The following HIVEP3 variants were observed in gnomAD, a reference collection of about 807,000 sequenced individuals.
The protein encoded by HIVEP3 is transcription factor HIVEP3.
HIVEP3 carries 49 observed loss-of-function variants against 152.8 expected under a neutral mutation model. The ratio of observed to expected loss-of-function variants is 0.32; its 90% confidence interval spans 0.26 to 0.41. HIVEP3 has a LOEUF of 0.41. Ranked by LOEUF, HIVEP3 falls within the 10% of genes least tolerant of loss-of-function variation. HIVEP3 has a pLI of 1.00. For missense variants in HIVEP3, 2,790 were observed against 3,103.3 expected (o/e 0.90, Z 2.40); for synonymous variants, 1,269 against 1,289.0 (o/e 0.98, Z 0.33).
At chr1:41,731,429 T>C (rs1448784844) in intron 1 of HIVEP3, among the ~76,000 whole-genome samples, 1 of 152,174 alleles carries the variant, frequency 6.6e-6, no homozygotes, top group Non-Finnish European at 1.5e-5. Context: ...CAGCAGGTGC[T>C]GGGGGTAGTC....
intron 1 of HIVEP3, among the ~76,000 whole-genome samples, chr1:41,716,161 C>A (rs1646590226): frequency 6.6e-6 from 1 of 152,170 alleles, no homozygotes; most frequent in African/African-American, 2.4e-5. Flanking sequence ...CCAGAACCTA[C>A]CAGCAAGGTG....
intron 1 of HIVEP3, among the ~76,000 whole-genome samples, chr1:41,978,485 C>T (rs951126590): frequency 1.1e-4 from 17 of 152,288 alleles, no homozygotes; most frequent in Middle Eastern, 3.4e-3. Context: ...ACACAGGAGG[C>T]GGCTGTCTGC....
At chr1:41,824,469 CGTT>C (rs1161542397) in intron 1 of HIVEP3, among the ~76,000 whole-genome samples, 3 of 152,010 alleles carry the variant, frequency 2.0e-5, no homozygotes. Context: ...ACACAGCTAA[CGTT>C]GTAAGTGGTC....
chr1:42,023,646 C>T (rs1360576982), intron 1 of HIVEP3, among the ~76,000 whole-genome samples: 9 of 151,990 alleles, frequency 5.9e-5, no homozygotes, highest in Admixed American at 2.0e-4. Flanking sequence ...TGTAGCACCT[C>T]CCGCCATTCT....
At chr1:41,796,505 T>C (rs1649990815) in intron 1 of HIVEP3, among the ~76,000 whole-genome samples, 2 of 152,236 alleles carry the variant, frequency 1.3e-5, no homozygotes, top group African/African-American at 2.4e-5. Flanking sequence ...AGATGCTGCA[T>C]AGATCTGGTA....
At chr1:41,885,883 A>G (rs1644338948) in intron 1 of HIVEP3, among the ~76,000 whole-genome samples, 1 of 151,410 alleles carries the variant, frequency 6.6e-6, no homozygotes. Context: ...CACACTGAAT[A>G]CCCATGATAA....
At chr1:42,017,464 C>T (rs1164460599) in intron 1 of HIVEP3, among the ~76,000 whole-genome samples, 1 of 152,130 alleles carries the variant, frequency 6.6e-6, no homozygotes, top group Non-Finnish European at 1.5e-5. Flanking sequence ...TTAATTCCCG[C>T]TTCTAGTCAT....
At chr1:41,803,026 A>T (rs1223570313) in intron 1 of HIVEP3, among the ~76,000 whole-genome samples, 1 of 152,198 alleles carries the variant, frequency 6.6e-6, no homozygotes, top group Admixed American at 6.5e-5. Flanking sequence ...CCTCTTTGGC[A>T]TTTGTACAGA....
chr1:41,668,324 G>C (rs571025363), intron 2 of HIVEP3, among the ~76,000 whole-genome samples: 6 of 152,362 alleles, frequency 3.9e-5, no homozygotes, highest in African/African-American at 1.4e-4. Flanking sequence ...GGGCGAGAGA[G>C]ATGAATACGG....
At chr1:41,910,640 A>G (rs747674074) in intron 1 of HIVEP3, among the ~76,000 whole-genome samples, 2 of 152,052 alleles carry the variant, frequency 1.3e-5, no homozygotes, top group Non-Finnish European at 2.9e-5. Flanking sequence ...ATGTATAAGA[A>G]ATGAACCCAT....
chr1:41,678,358 C>G (rs1645988914), intron 2 of HIVEP3, among the ~76,000 whole-genome samples: 1 of 152,212 alleles, frequency 6.6e-6, no homozygotes, highest in Admixed American at 6.5e-5. Context: ...CTCAGCTTAA[C>G]CTTGCTCTCC....
intron 2 of HIVEP3, among the ~76,000 whole-genome samples, chr1:41,693,356 T>C (rs1646224732): frequency 6.6e-6 from 1 of 152,232 alleles, no homozygotes; most frequent in African/African-American, 2.4e-5. Flanking sequence ...AGTATTTTCA[T>C]TCTTTGAAAT....
At chr1:41,874,401 C>A (rs568869818) in intron 1 of HIVEP3, among the ~76,000 whole-genome samples, 2 of 152,260 alleles carry the variant, frequency 1.3e-5, no homozygotes, top group African/African-American at 4.8e-5. Context: ...AGCACATAAA[C>A]CTGTCAAGAG....
In HIVEP3 at chr1:41,575,558, T is replaced by G; in HGVS notation, c.5193A>C (p.Lys1731Asn). 1.2e-6 allele frequency: 2 copies of G among 1,614,138 alleles called. No homozygotes were observed. The highest frequency in any genetic ancestry group is 1.7e-6 in the Non-Finnish European group (2 of 1,180,014). ...ATGAGTCTTACCCTCCTTCGAAGATTTTGATCCTCGCCGGCTCCCCTCTCT... is the reference window on the plus strand; with the variant it reads ...ATGAGTCTTACCCTCCTTCGAAGATGTTGATCCTCGCCGGCTCCCCTCTCT... ...ASQRGEPARI[K>N]IFEGGYKSNE... is the part of the protein sequence containing the mutation. The change falls in exon 5 of 9, where the codon AAA (lysine) becomes AAC (asparagine). Residue 1731 changes from lysine to asparagine, a missense_variant. By Grantham distance (94) the Lys-to-Asn change is moderately conservative (BLOSUM62 0). Around this residue, in one of 9 missense-constraint regions of HIVEP3, gnomAD observed 1,078 missense variants for 1,165.3 expected, o/e 0.93. Transcript: ENST00000372583.
intron 2 of HIVEP3, among the ~76,000 whole-genome samples, chr1:41,677,000 G>A (rs1317122879): frequency 6.6e-6 from 1 of 152,182 alleles, no homozygotes; most frequent in Non-Finnish European, 1.5e-5. Flanking sequence ...CCGTGTGGAG[G>A]ATGACGCCCA....
intron 1 of HIVEP3, among the ~76,000 whole-genome samples, chr1:41,842,050 A>G (rs606549): frequency 0.49 from 74,047 of 151,650 alleles, 20,420 homozygotes; most frequent in African/African-American, 0.76. Context: ...TCGAGATCAC[A>G]GCACTGCACT....
At chr1:41,816,215 C>T (rs1651255777) in intron 1 of HIVEP3, among the ~76,000 whole-genome samples, 3 of 152,166 alleles carry the variant, frequency 2.0e-5, no homozygotes, top group African/African-American at 7.2e-5. Flanking sequence ...AGAACTGTTG[C>T]CAGCATTGAA....
chr1:41,909,484 C>A (rs1384836665), intron 1 of HIVEP3, among the ~76,000 whole-genome samples: 1 of 152,080 alleles, frequency 6.6e-6, no homozygotes. Flanking sequence ...ATATAAAACA[C>A]AAACTGACAG....
chr1:41,862,655 G>A (rs1394280177), intron 1 of HIVEP3, among the ~76,000 whole-genome samples: 1 of 151,994 alleles, frequency 6.6e-6, no homozygotes, highest in Non-Finnish European at 1.5e-5. Context: ...AGACACACTG[G>A]GAGTCTAAGA....
Sources: gnomAD v4.1 joint callset for allele counts (sites outside exome capture counted in the v4.1 genomes callset) on GRCh38, gnomAD v4.1.1 for gene constraint, gnomAD v4.1.1 regional missense constraint, MANE v1.5 for transcripts, NCBI Gene and HGNC (gene_info 2026-07-23, HGNC 2026-07-21) for gene names.